UNC13C: variants seen among roughly 807,000 people sequenced by gnomAD.
UNC13C encodes the protein unc-13 homolog C, also known as protein unc-13 homolog C.
Under a neutral mutation model 245.4 loss-of-function variants are expected in UNC13C, and 174 were observed. The ratio of observed to expected loss-of-function variants is 0.71; its 90% confidence interval spans 0.63 to 0.80. The LOEUF (loss-of-function observed/expected upper bound fraction) is 0.80, where lower values mean the gene tolerates loss of function less well. Among genes scored for constraint, UNC13C ranks in the 30% least tolerant of loss-of-function variants. The probability of loss-of-function intolerance (pLI) is 0.00; values close to 1 mark genes in which losing one functional copy is unlikely to be tolerated. For missense variants in UNC13C, 2,829 were observed against 2,602.9 expected, an observed-to-expected ratio of 1.09 and a Z score of -1.89; for synonymous variants, 992 against 895.1, an observed-to-expected ratio of 1.11 and a Z score of -1.93.
chr15:54,329,773 A>G (rs1169069491), intron 14 of UNC13C, among the ~76,000 whole-genome samples: 1 of 152,096 alleles, frequency 6.6e-6, no homozygotes, highest in Non-Finnish European at 1.5e-5. Flanking sequence ...TTTTCTTCAC[A>G]GTTTTCTATT....
the UNC13C span, among the ~76,000 whole-genome samples, chr15:53,939,557 T>C: frequency 1.3e-5 from 2 of 152,214 alleles, no homozygotes; most frequent in East Asian, 3.9e-4. Context: ...CAGGCCAGTA[T>C]CCCTGACAAA....
intron 23 of UNC13C, among the ~76,000 whole-genome samples, chr15:54,507,852 G>GAA (rs71816913): frequency 1.6e-4 from 23 of 144,544 alleles, no homozygotes; most frequent in African/African-American, 3.6e-4. Flanking sequence ...CAGTAGCTCT[G>GAA]AAAAAAAAAA....
the UNC13C span, among the ~76,000 whole-genome samples, chr15:53,900,119 A>G: frequency 6.6e-6 from 1 of 152,244 alleles, no homozygotes; most frequent in East Asian, 1.9e-4. Flanking sequence ...CAATCATATT[A>G]TTCCGCAAAT....
At chr15:54,004,445 A>G (rs968071931) in intron 1 of UNC13C, among the ~76,000 whole-genome samples, 1 of 152,198 alleles carries the variant, frequency 6.6e-6, no homozygotes, top group Non-Finnish European at 1.5e-5. Flanking sequence ...AATCTTGTCT[A>G]TTGTGAACAG....
intron 4 of UNC13C, among the ~76,000 whole-genome samples, chr15:54,192,979 T>G (rs1477706379): frequency 3.3e-5 from 5 of 152,074 alleles, no homozygotes; most frequent in Non-Finnish European, 7.4e-5. Flanking sequence ...TTATTCATTT[T>G]TTAAATGGAA....
chr15:54,483,718 G>C (rs1038843202), intron 19 of UNC13C, among the ~76,000 whole-genome samples: 1 of 152,042 alleles, frequency 6.6e-6, no homozygotes, highest in Non-Finnish European at 1.5e-5. Flanking sequence ...GCCTCCCAGG[G>C]TGCTGGGATG....
At chr15:54,450,243 G>T (rs1299714738) in intron 19 of UNC13C, among the ~76,000 whole-genome samples, 7 of 152,230 alleles carry the variant, frequency 4.6e-5, no homozygotes, top group Non-Finnish European at 7.3e-5. Flanking sequence ...GAGTCAGTCT[G>T]TCCGTTCTCA....
intron 4 of UNC13C, among the ~76,000 whole-genome samples, chr15:54,166,692 T>C (rs985186344): frequency 8.5e-5 from 13 of 152,222 alleles, no homozygotes; most frequent in Non-Finnish European, 1.6e-4. Flanking sequence ...AAATCAATTT[T>C]TTTATCAGCA....
intron 19 of UNC13C, among the ~76,000 whole-genome samples, chr15:54,492,293 T>G (rs543793048): frequency 7.9e-4 from 120 of 152,208 alleles, no homozygotes; most frequent in Non-Finnish European, 1.3e-3. Context: ...TTTTCTAAAG[T>G]ACCCAAAATA....
chr15:53,915,094 G>A, the UNC13C span, among the ~76,000 whole-genome samples: 1 of 152,132 alleles, frequency 6.6e-6, no homozygotes, highest in Non-Finnish European at 1.5e-5. Context: ...ACAGGAGGGA[G>A]GGTTCAATTC....
chr15:54,133,811 T>C (rs2031572683), intron 2 of UNC13C, among the ~76,000 whole-genome samples: 2 of 152,186 alleles, frequency 1.3e-5, no homozygotes, highest in African/African-American at 4.8e-5. Context: ...CATATATGAT[T>C]ATCTGCATAT....
chr15:54,510,050 C>T (rs78364017), intron 23 of UNC13C, among the ~76,000 whole-genome samples: 4,856 of 152,150 alleles, frequency 0.032, 279 homozygotes, highest in African/African-American at 0.11. Context: ...GGCAGTTGAC[C>T]TTTATTTATA....
chr15:54,046,552 T>C, intron 2 of UNC13C, among the ~76,000 whole-genome samples: 1 of 152,248 alleles, frequency 6.6e-6, no homozygotes, highest in Middle Eastern at 3.4e-3. Flanking sequence ...GTATATAGTT[T>C]TGTTCATTTT....
the UNC13C span, among the ~76,000 whole-genome samples, chr15:53,876,722 T>A: frequency 6.6e-6 from 1 of 152,222 alleles, no homozygotes; most frequent in Admixed American, 6.5e-5. Context: ...ACTGTTATAA[T>A]TACCCACTCA....
chr15:54,167,143 A>G (rs532521963), intron 4 of UNC13C, among the ~76,000 whole-genome samples: 10 of 152,336 alleles, frequency 6.6e-5, no homozygotes, highest in South Asian at 2.1e-4. Flanking sequence ...TATGAAAGCA[A>G]TAGAAATACA....
At chr15:54,119,282 A>G (rs951512760) in intron 2 of UNC13C, among the ~76,000 whole-genome samples, 1 of 152,134 alleles carries the variant, frequency 6.6e-6, no homozygotes, top group Non-Finnish European at 1.5e-5. Flanking sequence ...TTTCAAGAAC[A>G]GTCTCACTTC....
intron 4 of UNC13C, among the ~76,000 whole-genome samples, chr15:54,217,563 G>A (rs969738507): frequency 1.3e-5 from 2 of 151,864 alleles, no homozygotes; most frequent in Admixed American, 1.3e-4. Flanking sequence ...CAGGGCAGCA[G>A]GTGGGCCAGC....
intron 2 of UNC13C, among the ~76,000 whole-genome samples, chr15:54,063,273 A>G (rs1258350126): frequency 6.6e-6 from 1 of 152,148 alleles, no homozygotes; most frequent in Non-Finnish European, 1.5e-5. Context: ...TGAGAGTTTG[A>G]TTTTAGGGAA....
intron 19 of UNC13C, among the ~76,000 whole-genome samples, chr15:54,454,794 TTTTA>T (rs934562521): frequency 2.1e-4 from 23 of 110,954 alleles, no homozygotes; most frequent in African/African-American, 6.4e-4. Context: ...CTTTTTTAAA[TTTTA>T]TTTATTCATT....
Sources: gnomAD v4.1 joint callset for allele counts (sites outside exome capture counted in the v4.1 genomes callset) on GRCh38, gnomAD v4.1.1 for gene constraint, MANE v1.5 for transcripts, NCBI Gene and HGNC (gene_info 2026-07-23, HGNC 2026-07-21) for gene names.